The following IGSF5 variants were observed in gnomAD, a reference collection of about 807,000 sequenced individuals.
The protein encoded by IGSF5 is immunoglobulin superfamily 5 like.
Under a neutral mutation model 39.4 loss-of-function variants are expected in IGSF5, and 41 were observed. The ratio of observed to expected loss-of-function variants is 1.04; its 90% CI spans 0.81 to 1.35. The LOEUF (loss-of-function observed/expected upper bound fraction) is 1.35, where lower values mean the gene tolerates loss of function less well. Ranked by LOEUF, IGSF5 falls within the 40% of genes most tolerant of loss-of-function variation. The probability of loss-of-function intolerance (pLI) is 0.00; values close to 1 mark genes in which losing one functional copy is unlikely to be tolerated. For missense variants in IGSF5, 487 were observed against 494.6 expected (o/e 0.98, Z 0.15); for synonymous variants, 183 against 175.3 (o/e 1.04, Z -0.34).
intron 8 of IGSF5, among the ~76,000 whole-genome samples, chr21:39,793,870 G>A (rs1051390289): frequency 1.3e-5 from 2 of 152,094 alleles, no homozygotes; most frequent in African/African-American, 4.8e-5. Flanking sequence ...GGGAGGATGC[G>A]ACTTGATTTG....
intron 2 of IGSF5, among the ~76,000 whole-genome samples, chr21:39,748,365 CA>C (rs748263131): frequency 2.1e-4 from 25 of 119,730 alleles, no homozygotes; most frequent in Admixed American, 1.2e-4. Flanking sequence ...GGCTGGAGTG[CA>C]GTGGCGCAAT....
intron 2 of IGSF5, among the ~76,000 whole-genome samples, chr21:39,764,971 GT>G (rs570376440): frequency 1.3e-5 from 2 of 152,176 alleles, no homozygotes; most frequent in Admixed American, 1.3e-4. Flanking sequence ...GGCAGAGTTG[GT>G]TTTTTATGGA....
In IGSF5 at chr21:39,791,878, T is replaced by C. The variant is rs560612743; in HGVS notation, c.957-130T>C. The C allele has an allele frequency of 3.8e-5, 24 of 633,680 alleles. No individual in the cohort carries two copies. The Admixed American group carries it at 5.2e-4, about 14-fold the overall frequency. 39.3% of individuals were successfully genotyped at this position (633,680 alleles called of 1,614,324 possible). On this transcript the variant is annotated intron_variant, in intron 6 of 8. Transcript: ENST00000380588. ...CGCAGCGGCAAAGCTATGGACTTCC[T>C]GTGTTAAGTTCAATGTGTAAGCATA...
intron 2 of IGSF5, among the ~76,000 whole-genome samples, chr21:39,750,961 G>T (rs1882856): frequency 0.11 from 16,399 of 152,240 alleles, 2,880 homozygotes; most frequent in African/African-American, 0.37. Context: ...AGGAGGGAGA[G>T]GGAGTGGAGG....
chr21:39,712,043 C>T, the IGSF5 span, among the ~76,000 whole-genome samples: 1 of 152,200 alleles, frequency 6.6e-6, no homozygotes. Flanking sequence ...AAGTGAGCCA[C>T]TGGGAGCAAT....
chr21:39,744,811 T>G (rs2079964191), upstream of IGSF5, among the ~76,000 whole-genome samples: 1 of 152,236 alleles, frequency 6.6e-6, no homozygotes, highest in African/African-American at 2.4e-5. Context: ...TAAAAGTTAC[T>G]TTTCTACTTT....
At chr21:39,718,332 C>T in the IGSF5 span, among the ~76,000 whole-genome samples, 3 of 152,230 alleles carry the variant, frequency 2.0e-5, no homozygotes, top group South Asian at 4.2e-4. Flanking sequence ...TATTTGGATA[C>T]CCTTTCTTTC....
intron 8 of IGSF5, among the ~76,000 whole-genome samples, chr21:39,794,143 G>A (rs918151508): frequency 3.9e-5 from 6 of 152,124 alleles, no homozygotes; most frequent in Admixed American, 6.5e-5. Context: ...AAATCCTGTC[G>A]GGGTTAGAAT....
At chr21:39,760,203 A>G (rs1219877813) in intron 2 of IGSF5, among the ~76,000 whole-genome samples, 1 of 152,162 alleles carries the variant, frequency 6.6e-6, no homozygotes, top group African/African-American at 2.4e-5. Flanking sequence ...TATAGAACTC[A>G]GCCACCATGT....
chr21:39,738,170 G>A, the IGSF5 span, among the ~76,000 whole-genome samples: 2 of 152,312 alleles, frequency 1.3e-5, no homozygotes, highest in South Asian at 2.1e-4. This position sits in a 1 kb window ranked among gnomAD's most constrained non-coding sequence, Gnocchi z 6.4. Context: ...AGAAACAGAG[G>A]TTTAATGGAC....
chr21:39,761,325 C>T (rs2080060608), intron 2 of IGSF5, among the ~76,000 whole-genome samples: 1 of 152,162 alleles, frequency 6.6e-6, no homozygotes, highest in Non-Finnish European at 1.5e-5. Flanking sequence ...AGGAATTATC[C>T]TTCTTGACAT....
At chr21:39,784,610 A>G (rs1252322531) in intron 5 of IGSF5, among the ~76,000 whole-genome samples, 1 of 119,304 alleles carries the variant, frequency 8.4e-6, no homozygotes, top group East Asian at 2.7e-4. Context: ...CTGTCACCCC[A>G]CCCCTGCCCA....
intron 2 of IGSF5, among the ~76,000 whole-genome samples, chr21:39,754,640 A>G (rs1001230810): frequency 1.3e-5 from 2 of 152,220 alleles, no homozygotes; most frequent in African/African-American, 4.8e-5. Context: ...TATTTAATAC[A>G]GTTTAATAAG....
At chr21:39,793,500 A>G (rs1179799101) in intron 7 of IGSF5, 34 bp from the exon 8 acceptor site, 1 of 1,574,094 alleles carries the variant, frequency 6.4e-7, no homozygotes, top group Middle Eastern at 1.7e-4. Flanking sequence ...GGTTTTTGCC[A>G]CTTAATGACT....
intron 2 of IGSF5, among the ~76,000 whole-genome samples, chr21:39,748,299 A>AT (rs1569246431): frequency 4.6e-5 from 2 of 43,744 alleles, no homozygotes; most frequent in African/African-American, 1.0e-4. Context: ...AGAAAACAAG[A>AT]TCTTTTTTTT....
intron 2 of IGSF5, among the ~76,000 whole-genome samples, chr21:39,759,848 C>T (rs372232195): frequency 1.5e-5 from 2 of 130,698 alleles, no homozygotes; most frequent in African/African-American, 5.9e-5. Context: ...GCTTGGGTGA[C>T]AGAGCAAGAC....
chr21:39,783,663 C>T (rs540135967), intron 5 of IGSF5, among the ~76,000 whole-genome samples: 314 of 152,238 alleles, frequency 2.1e-3, no homozygotes, highest in Middle Eastern at 3.4e-3. Flanking sequence ...TCCTCCCATT[C>T]TGTAGGTTAT....
the IGSF5 span, among the ~76,000 whole-genome samples, chr21:39,735,766 A>G: frequency 6.6e-6 from 1 of 152,192 alleles, no homozygotes; most frequent in Non-Finnish European, 1.5e-5. Context: ...AAATTGGTCA[A>G]TATCTGCAGG....
At chr21:39,798,761 C>T (rs770706804) in intron 8 of IGSF5, among the ~76,000 whole-genome samples, 2 of 152,224 alleles carry the variant, frequency 1.3e-5, no homozygotes, top group Non-Finnish European at 2.9e-5. Context: ...AACTCCTGCC[C>T]CTTTGGCATC....
Sources: gnomAD v4.1 joint callset for allele counts (sites outside exome capture counted in the v4.1 genomes callset) on GRCh38, gnomAD v4.1.1 for gene constraint, Gnocchi (gnomAD v3.1) non-coding constraint, MANE v1.5 for transcripts, NCBI Gene and HGNC (gene_info 2026-07-23, HGNC 2026-07-21) for gene names.